The following PXDN variants were observed in gnomAD, a reference collection of about 807,000 sequenced individuals.
PXDN encodes the protein peroxidasin.
A neutral mutation model predicts 140.3 loss-of-function variants in PXDN; 77 were observed. That is an observed-to-expected ratio of 0.55 (90% CI 0.46 to 0.66). The LOEUF (loss-of-function observed/expected upper bound fraction) is 0.66, where lower values mean the gene tolerates loss of function less well. Among genes scored for constraint, PXDN ranks in the 30% least tolerant of loss-of-function variants. The probability of loss-of-function intolerance (pLI) is 0.00; values close to 1 mark genes in which losing one functional copy is unlikely to be tolerated. For missense variants in PXDN, 1,838 were observed against 2,039.5 expected (o/e 0.90, Z 1.90); for synonymous variants, 911 against 857.4 (o/e 1.06, Z -1.09).
chr2:1,724,312 G>A (rs374475626), intron 1 of PXDN, among the ~76,000 whole-genome samples: 19 of 139,932 alleles, frequency 1.4e-4, no homozygotes, highest in African/African-American at 4.5e-4. Flanking sequence ...CTGAATTTCC[G>A]TTTTTTTTTT....
In PXDN at chr2:1,676,998, C is replaced by T. The variant is rs771242628; in HGVS notation, c.777G>A (p.Ser259=). The change falls in exon 8 of 23, where the codon TCG becomes TCA. Residue 259 remains serine (S), a synonymous_variant. Coordinates refer to ENST00000252804, the MANE Select transcript of PXDN (RefSeq NM_012293.3). ...TGCAGGTGAAGTACACGGTGTTCCC[C>T]GAGGTCACATCTGCGTCCTGGGGCT... ...TSEPQDADVT[S]GNTVYFTCRA... 9.8e-5 allele frequency: 158 copies of T among 1,612,618 alleles called. No homozygotes were observed. Among genetic ancestry groups the T allele is most frequent in the Non-Finnish European group, 1.3e-4 (148 of 1,179,416 alleles).
chr2:1,704,373 G>C (rs1684531914), intron 1 of PXDN, among the ~76,000 whole-genome samples: 2 of 77,564 alleles, frequency 2.6e-5, no homozygotes, highest in African/African-American at 9.8e-5. Context: ...GTGAAGGGGG[G>C]GCAACTCCAG....
chr2:1,634,552 C>A (rs1008165982), intron 22 of PXDN, among the ~76,000 whole-genome samples: 3 of 152,164 alleles, frequency 2.0e-5, no homozygotes, highest in Non-Finnish European at 4.4e-5. Context: ...ACAAGTCTCC[C>A]TGAGGCTCCC....
chr2:1,654,569 A>ATGTAG, intron 14 of PXDN, 61 bp from the exon 15 acceptor site: 3 of 1,101,288 alleles, frequency 2.7e-6, no homozygotes, highest in Non-Finnish European at 4.1e-6. Context: ...TCATAAAATG[A>ATGTAG]TGTCTAGACA....
intron 14 of PXDN, among the ~76,000 whole-genome samples, chr2:1,657,145 G>C (rs188437677): frequency 4.9e-5 from 7 of 142,788 alleles, no homozygotes; most frequent in Admixed American, 6.9e-5. Flanking sequence ...CCTCCTGACT[G>C]GGGGGGGACC....
chr2:1,655,291 C>T (rs916539550), intron 14 of PXDN, among the ~76,000 whole-genome samples: 22 of 151,266 alleles, frequency 1.5e-4, no homozygotes, highest in African/African-American at 4.9e-4. Flanking sequence ...AGACACACCA[C>T]GCCACACATA....
At chr2:1,680,685 G>A (rs1481169702) in intron 6 of PXDN, among the ~76,000 whole-genome samples, 3 of 152,304 alleles carry the variant, frequency 2.0e-5, no homozygotes, top group East Asian at 1.9e-4. Context: ...GTGTGCCAGC[G>A]GCACAGGTCA....
At chr2:1,692,582 G>A (rs751175489) in intron 2 of PXDN, 2 of 472,102 alleles carry the variant, frequency 4.2e-6, no homozygotes, top group South Asian at 3.1e-5. Context: ...TGCACTGGGC[G>A]TGTCCTGCAG....
At chr2:1,710,438 G>T (rs1008249545) in intron 1 of PXDN, among the ~76,000 whole-genome samples, 17 of 151,966 alleles carry the variant, frequency 1.1e-4, no homozygotes, top group African/African-American at 3.6e-4. Flanking sequence ...CTTTGGAGGT[G>T]ACACATGTTA....
rs72208257 is a variant in PXDN at position 1,733,748 on chromosome 2, C to CAAAAAAAAAAA, written c.200+10497_200+10507dup. On this transcript the variant is annotated intron_variant, in intron 1 of 22. Coordinates refer to ENST00000252804, the MANE Select transcript of PXDN (RefSeq NM_012293.3). ...CAGAGCAAGATTCTGTGTCAAATGACAAAAAAAAAAAAAAAAAAAGCAGTG... is the reference window on the plus strand; with the variant it reads ...CAGAGCAAGATTCTGTGTCAAATGACAAAAAAAAAAAAAAAAAAAAAAAAAAAAAAGCAGTG... Among the ~76,000 whole-genome samples, 188 of 79,164 alleles carry CAAAAAAAAAAA rather than the reference C, an allele frequency of 2.4e-3. 5 individuals carry two copies. The highest frequency in any genetic ancestry group is 4.3e-3 in the East Asian group (7 of 1,634). The allele number at this position is 79,164 out of a possible 152,430, so 51.9% of individuals were successfully genotyped here. A position where few individuals can be genotyped will look rare whatever the true frequency, so the allele number is the denominator to read the frequency against.
At chr2:1,670,471 C>T (rs1246091806) in intron 9 of PXDN, among the ~76,000 whole-genome samples, 3 of 151,974 alleles carry the variant, frequency 2.0e-5, no homozygotes, top group African/African-American at 4.8e-5. Context: ...AGGAGTTGAG[C>T]GGATGACGAA....
At chr2:1,666,906 G>A (rs879845883) in intron 9 of PXDN, among the ~76,000 whole-genome samples, 13 of 152,118 alleles carry the variant, frequency 8.5e-5, no homozygotes, top group Non-Finnish European at 1.8e-4. Context: ...CACAAAAAAT[G>A]CAAATTAAAA....
chr2:1,647,905 C>G (rs1178280472), intron 17 of PXDN, among the ~76,000 whole-genome samples: 1 of 152,144 alleles, frequency 6.6e-6, no homozygotes, highest in Non-Finnish European at 1.5e-5. Context: ...TGTGCCACAG[C>G]TCAGCAAAGC....
chr2:1,653,865 C>A (rs1683070110), intron 15 of PXDN, 80 bp from the exon 16 acceptor site: 1 of 1,383,064 alleles, frequency 7.2e-7, no homozygotes, highest in Non-Finnish European at 9.8e-7. Flanking sequence ...AAAATATAAT[C>A]ATTGCTATTA....
Position 1,687,518 on chromosome 2 carries a change from C to A in PXDN, c.416+114G>T. On this transcript the variant is annotated intron_variant, in intron 4 of 22. Coordinates refer to ENST00000252804, the MANE Select transcript of PXDN (RefSeq NM_012293.3). This position sits in a 1 kb window ranked among gnomAD's most constrained non-coding sequence, Gnocchi z 4.0. ...CATCATGCACGTACTCCCCGCACCT[C>A]AGGTAGCATAGTCATGCATCATGCA... is the stretch of plus-strand genomic sequence containing the variant. 1 of 723,262 alleles carries A rather than the reference C, an allele frequency of 1.4e-6. No homozygotes were observed. The highest frequency in any genetic ancestry group is 2.1e-6 in the Non-Finnish European group (1 of 479,304). 44.8% of individuals were successfully genotyped at this position (723,262 alleles called of 1,614,324 possible). A position where few individuals can be genotyped will look rare whatever the true frequency, so the allele number is the denominator to read the frequency against.
At chr2:1,706,085 T>C (rs1684599582) in intron 1 of PXDN, among the ~76,000 whole-genome samples, 1 of 152,166 alleles carries the variant, frequency 6.6e-6, no homozygotes, top group Non-Finnish European at 1.5e-5. Context: ...TCCGACTGGA[T>C]GCCAGATTCA....
In PXDN at chr2:1,633,887, G is replaced by A. The variant is rs1043635392; in HGVS notation, c.*317C>T. 3 of 213,776 alleles carry A rather than the reference G, an allele frequency of 1.4e-5. No homozygotes were observed. The highest frequency in any genetic ancestry group is 9.9e-5 in the East Asian group (1 of 10,076). The allele number at this position is 213,776 out of a possible 1,614,324, so 13.2% of individuals were successfully genotyped here. A position where few individuals can be genotyped will look rare whatever the true frequency, so the allele number is the denominator to read the frequency against. ...GTTGGGAGGCAAAATCAATTTAGGCGCCTAAATGATTCAACTGTGCAATTT... is the reference window on the plus strand; with the variant it reads ...GTTGGGAGGCAAAATCAATTTAGGCACCTAAATGATTCAACTGTGCAATTT... On this transcript the variant is annotated 3_prime_UTR_variant, in exon 23 of 23. Coordinates refer to ENST00000252804, the MANE Select transcript of PXDN (RefSeq NM_012293.3).
chr2:1,695,576 G>C, intron 1 of PXDN, among the ~76,000 whole-genome samples: 1 of 25,790 alleles, frequency 3.9e-5, no homozygotes, highest in African/African-American at 2.0e-4. Context: ...GCTGGACAGA[G>C]AGGTGCTGTC....
chr2:1,733,108 C>T (rs1685348290), intron 1 of PXDN, among the ~76,000 whole-genome samples: 1 of 152,036 alleles, frequency 6.6e-6, no homozygotes, highest in South Asian at 2.1e-4. Flanking sequence ...TGGCCTAATA[C>T]ACGTATAACT....
Sources: gnomAD v4.1 joint callset for allele counts (sites outside exome capture counted in the v4.1 genomes callset) on GRCh38, gnomAD v4.1.1 for gene constraint, Gnocchi (gnomAD v3.1) non-coding constraint, MANE v1.5 for transcripts, NCBI Gene and HGNC (gene_info 2026-07-23, HGNC 2026-07-21) for gene names.